CARMIL2: variants seen among roughly 807,000 people sequenced by gnomAD.
The protein encoded by CARMIL2 is capping protein, Arp2/3 and myosin-I linker protein 2.
CARMIL2 carries 96 observed loss-of-function variants against 173.3 expected under a neutral mutation model. The observed-to-expected ratio is 0.55, with a 90% CI of 0.47 to 0.66. The LOEUF (loss-of-function observed/expected upper bound fraction) is 0.66. CARMIL2 is among the 30% of genes least tolerant of loss of function. CARMIL2 has a pLI of 0.00. For missense variants in CARMIL2, 1,771 were observed against 1,906.7 expected, an observed-to-expected ratio of 0.93 and a Z score of 1.33; for synonymous variants, 830 against 817.1, an observed-to-expected ratio of 1.02 and a Z score of -0.27.
rs375376933 is a variant in CARMIL2 at position 67,648,787 on chromosome 16, T to G, written c.1509+33T>G. 1.3e-6 allele frequency: 2 copies of G among 1,580,784 alleles called. No individual in the cohort carries two copies. The highest frequency in any genetic ancestry group is 1.7e-6 in the Non-Finnish European group (2 of 1,163,946). ...CCGGCCCCCAGAAGAGACCACACATTGGGAGAGGCGCTGGGAGGCGGAAGG... is the reference window on the plus strand; with the variant it reads ...CCGGCCCCCAGAAGAGACCACACATGGGGAGAGGCGCTGGGAGGCGGAAGG... On this transcript the variant is annotated intron_variant, in intron 16 of 37. Coordinates refer to ENST00000334583, the MANE Select transcript of CARMIL2 (RefSeq NM_001013838.3). This position sits in a 1 kb window ranked among gnomAD's most constrained non-coding sequence, Gnocchi z 6.1.
rs979715618 is a variant in CARMIL2, at chr16:67,653,097, C to T, written c.2963C>T (p.Ala988Val). The T allele has an allele frequency of 5.9e-6, 7 of 1,184,464 alleles. No homozygotes were observed. The Admixed American group carries it at 1.5e-4, about 25-fold the overall frequency. 73.4% of individuals were successfully genotyped at this position (1,184,464 alleles called of 1,614,324 possible). A position where few individuals can be genotyped will look rare whatever the true frequency, so the allele number is the denominator to read the frequency against. The change falls in exon 29 of 38, where the codon GCG (alanine) becomes GTG (valine). Residue 988 changes from alanine (A) to valine (V), a missense_variant. Physicochemically the swap from Ala to Val is moderately conservative, Grantham distance 64. Coordinates refer to ENST00000334583, the MANE Select transcript of CARMIL2 (RefSeq NM_001013838.3). This position sits in a 1 kb window ranked among gnomAD's most constrained non-coding sequence, Gnocchi z 7.4. ...EDAEPQAGPSARGSPSPAAPG... is the reference protein window; with the variant it reads ...EDAEPQAGPSVRGSPSPAAPG... The stretch of plus-strand genomic sequence containing the variant: ...GCAGAGCCGCAGGCGGGGCCGTCCG[C>T]GCGCGGCTCTCCGAGCCCTGCCGCC...
rs1482507831 is a variant in CARMIL2 at position 67,654,502 on chromosome 16, C to T, written c.3392C>T (p.Thr1131Ile). ...GCAGCTCCCCGAACCCGAAAAACTA[C>T]ATTTGGCGACCTACTGCGGCCGCCA... The part of the protein sequence containing the change: ...PGAAPRTRKT[T>I]FGDLLRPPTR... Residue 1131 changes from threonine (T) to isoleucine (I), a missense_variant, in exon 31 of 38, where the codon ACA becomes ATA. Thr to Ile is a moderately conservative substitution (Grantham distance 89). This residue lies in a region of CARMIL2 where 817 missense variants were observed against 903.5 expected (regional missense o/e 0.90). Coordinates refer to ENST00000334583, the MANE Select transcript of CARMIL2 (RefSeq NM_001013838.3). The T allele has an allele frequency of 6.2e-7, 1 of 1,612,640 alleles. No individual in the cohort carries two copies. The highest frequency in any genetic ancestry group is 1.7e-5 in the Admixed American group (1 of 59,920).
At position 67,654,912 on chromosome 16, in the gene CARMIL2, G is replaced by A. The variant is rs781132473; in HGVS notation, c.3705+12G>A. 1.2e-6 allele frequency: 2 copies of A among 1,613,134 alleles called. No homozygotes were observed. Among genetic ancestry groups the A allele is most frequent in the East Asian group, 2.2e-5 (1 of 44,884 alleles). Reference sequence around the variant, plus strand: ...GCAAGAGGAAGCAAGTGAGTTGAGGGGACCTGAGCATGAAGTGAGAGGGCA... The same window carrying A: ...GCAAGAGGAAGCAAGTGAGTTGAGGAGACCTGAGCATGAAGTGAGAGGGCA... On this transcript the variant is annotated intron_variant, in intron 32 of 37. Coordinates refer to ENST00000334583, the MANE Select transcript of CARMIL2 (RefSeq NM_001013838.3).
At chr16:67,647,074 G>A in intron 8 of CARMIL2, 42 bp from the exon 9 acceptor site, 1 of 1,610,350 alleles carries the variant, frequency 6.2e-7, no homozygotes, top group Admixed American at 1.7e-5. Flanking sequence ...GGACCTGGCT[G>A]GAGGGCCCTG....
rs781538330 is a variant in CARMIL2 at position 67,649,361 on chromosome 16, C to T, written c.1746+50C>T. 6.2e-7 allele frequency: 1 copy of T among 1,608,992 alleles called. No homozygotes were observed. The highest frequency in any genetic ancestry group is 8.5e-7 in the Non-Finnish European group (1 of 1,178,860). On this transcript the variant is annotated intron_variant, in intron 19 of 37. Transcript: ENST00000334583. This position sits in a 1 kb window ranked among gnomAD's most constrained non-coding sequence, Gnocchi z 6.7. Reference sequence around the variant, plus strand: ...CCTCGGGCAATTAGACCACTTTGGTCCTCCTTTCTCTTGTTCCCTCAGACC... The same window carrying T: ...CCTCGGGCAATTAGACCACTTTGGTTCTCCTTTCTCTTGTTCCCTCAGACC...
Position 67,652,733 on chromosome 16 carries a change from G to T in CARMIL2, c.2884+195G>T, listed in dbSNP as rs554255433. ...GGTCAGCCCGGGGCGGGACCTGGGCGGATCTGGGACAGGACACCGGCTCAG... is the reference window on the plus strand; with the variant it reads ...GGTCAGCCCGGGGCGGGACCTGGGCTGATCTGGGACAGGACACCGGCTCAG... On this transcript the variant is annotated intron_variant, in intron 28 of 37. Transcript: ENST00000334583. This position sits in a 1 kb window ranked among gnomAD's most constrained non-coding sequence, Gnocchi z 4.7. Among the ~76,000 whole-genome samples the T allele has an allele frequency of 1.3e-4, 20 of 152,250 alleles. No individual in the cohort carries two copies. Among genetic ancestry groups the T allele is most frequent in the African/African-American group, 4.8e-4 (20 of 41,572 alleles).
chr16:67,651,279 C>T lies in CARMIL2; in HGVS notation c.2277C>T (p.Ala759=), dbSNP rs371306942. 64 of 1,613,458 alleles carry T rather than the reference C, an allele frequency of 4.0e-5. No homozygotes were observed. Among genetic ancestry groups the T allele is most frequent in the Admixed American group, 3.0e-4 (18 of 60,000 alleles). The change falls in exon 23 of 38, where the codon GCC becomes GCT. Residue 759 remains alanine (A), a synonymous_variant. Transcript: ENST00000334583. This position sits in a 1 kb window ranked among gnomAD's most constrained non-coding sequence, Gnocchi z 4.2. The part of the protein sequence containing the change: ...GPQGEAAVRQ[A]EDAIQNANFS... ...AGGGTGAAGCCGCTGTGCGCCAGGC[C>T]GAGGATGCCATCCAAAATGCCAACT...
At chr16:67,656,330 T>C (rs777285750) in intron 34 of CARMIL2, 31 bp downstream of exon 34, 7 of 1,613,356 alleles carry the variant, frequency 4.3e-6, no homozygotes, top group Non-Finnish European at 5.9e-6. Context: ...GTGTTGGTAG[T>C]GGGAGCAGGG....
rs368345242 is a variant in CARMIL2 at position 67,649,327 on chromosome 16, C to A, written c.1746+16C>A. The A allele has an allele frequency of 9.6e-5, 154 of 1,610,894 alleles. 1 individual carries two copies. Among genetic ancestry groups the A allele is most frequent in the Admixed American group, 7.7e-4 (46 of 60,010 alleles). ...CGACGATTGTGTGAGTTCACGGGAC[C>A]TTGCAGGGCCTCGGGCAATTAGACC... On this transcript the variant is annotated intron_variant, in intron 19 of 37. Coordinates refer to ENST00000334583, the MANE Select transcript of CARMIL2 (RefSeq NM_001013838.3). The surrounding 1 kb of genome is among the most constrained non-coding windows in gnomAD (Gnocchi z 6.7).
chr16:67,646,076 C>T lies in CARMIL2; in HGVS notation c.245C>T (p.Pro82Leu), dbSNP rs780732431. Residue 82 changes from proline to leucine, a missense_variant, in exon 4 of 38, where the codon CCT becomes CTT. Pro to Leu is a moderately conservative substitution (Grantham distance 98, BLOSUM62 -3). Coordinates refer to ENST00000334583, the MANE Select transcript of CARMIL2 (RefSeq NM_001013838.3). This position sits in a 1 kb window ranked among gnomAD's most constrained non-coding sequence, Gnocchi z 4.6. ...VQAMALQETP[P>L]QVTFELESLR... Reference sequence around the variant, plus strand: ...GCCATGGCGCTGCAGGAGACACCCCCTCAGGTGAGACACCTAGTACCCTAC... The same window carrying T: ...GCCATGGCGCTGCAGGAGACACCCCTTCAGGTGAGACACCTAGTACCCTAC... 1 of 1,613,778 alleles carries T rather than the reference C, an allele frequency of 6.2e-7. No individual in the cohort carries two copies.
chr16:67,657,038 G>A lies in CARMIL2; in HGVS notation c.4117+157G>A, dbSNP rs998228919. The A allele has an allele frequency of 1.3e-6, 1 of 765,124 alleles. No individual in the cohort carries two copies. The highest frequency in any genetic ancestry group is 2.1e-6 in the Non-Finnish European group (1 of 472,650). The allele number at this position is 765,124 out of a possible 1,614,324, so 47.4% of individuals were successfully genotyped here. A position where few individuals can be genotyped will look rare whatever the true frequency, so the allele number is the denominator to read the frequency against. ...GAAGACCAGGTGCAAGGGTTTGACAGCAAGCCCTTCCAACTAGCACTGGCT... is the reference window on the plus strand; with the variant it reads ...GAAGACCAGGTGCAAGGGTTTGACAACAAGCCCTTCCAACTAGCACTGGCT... On this transcript the variant is annotated intron_variant, in intron 36 of 37. Coordinates refer to ENST00000334583, the MANE Select transcript of CARMIL2 (RefSeq NM_001013838.3). This position sits in a 1 kb window ranked among gnomAD's most constrained non-coding sequence, Gnocchi z 4.5.
At chr16:67,645,393 T>C in intron 1 of CARMIL2, 107 bp downstream of exon 1, 1 of 1,399,152 alleles carries the variant, frequency 7.1e-7, no homozygotes, top group Non-Finnish European at 9.9e-7. Context: ...TCCTCCCTGC[T>C]CCCCAGGAGG....
rs1712327828 is a variant in CARMIL2 at position 67,646,963 on chromosome 16, C to T, written c.601C>T (p.Leu201Phe). Residue 201 changes from leucine to phenylalanine, a missense_variant, in exon 8 of 38, where the codon CTC becomes TTC. Physicochemically the swap from Leu to Phe is conservative, Grantham distance 22. Around this residue, in one of 3 missense-constraint regions of CARMIL2, gnomAD observed 944 missense variants for 975.6 expected, o/e 0.97. Coordinates refer to ENST00000334583, the MANE Select transcript of CARMIL2 (RefSeq NM_001013838.3). This position sits in a 1 kb window ranked among gnomAD's most constrained non-coding sequence, Gnocchi z 4.6. ...RHFSLGDFSH[L>F]GSRDLALSVA... ...TTTCAGCCTGGGAGACTTCAGCCAC[C>T]TCGGCAGTCGGTGTGTGGCCTGCCA... 1.2e-6 allele frequency: 2 copies of T among 1,613,384 alleles called. No homozygotes were observed. Among genetic ancestry groups the T allele is most frequent in the Non-Finnish European group, 1.7e-6 (2 of 1,179,778 alleles).
chr16:67,654,322 G>C lies in CARMIL2; in HGVS notation c.3222-10G>C. 1 of 1,588,046 alleles carries C rather than the reference G, an allele frequency of 6.3e-7. No individual in the cohort carries two copies. Among genetic ancestry groups the C allele is most frequent in the Non-Finnish European group, 8.6e-7 (1 of 1,167,346 alleles). On this transcript the variant is annotated splice_polypyrimidine_tract_variant and intron_variant, in intron 30 of 37. Coordinates refer to ENST00000334583, the MANE Select transcript of CARMIL2 (RefSeq NM_001013838.3). ...TGGGCTTTCTCGCTCACTGCTGGGT[G>C]TCCCCACAGCTGGGCCCCCGAGGAG... is the stretch of plus-strand genomic sequence containing the variant.
In CARMIL2 at chr16:67,649,359, G is replaced by T; in HGVS notation, c.1746+48G>T. 1 of 1,609,464 alleles carries T rather than the reference G, an allele frequency of 6.2e-7. No individual in the cohort carries two copies. ...GGCCTCGGGCAATTAGACCACTTTG[G>T]TCCTCCTTTCTCTTGTTCCCTCAGA... is the stretch of plus-strand genomic sequence containing the variant. On this transcript the variant is annotated intron_variant, in intron 19 of 37. Coordinates refer to ENST00000334583, the MANE Select transcript of CARMIL2 (RefSeq NM_001013838.3). This position sits in a 1 kb window ranked among gnomAD's most constrained non-coding sequence, Gnocchi z 6.7.
Position 67,657,477 on chromosome 16 carries a change from T to A in CARMIL2, c.4267T>A (p.Ser1423Thr). Residue 1423 changes from serine to threonine, a missense_variant, in exon 38 of 38, where the codon TCC (serine) becomes ACC (threonine). Physicochemically the swap from Ser to Thr is moderately conservative, Grantham distance 58 (BLOSUM62 1). This residue lies in a region of CARMIL2 where 817 missense variants were observed against 903.5 expected (regional missense o/e 0.90). Transcript: ENST00000334583. The surrounding 1 kb of genome is among the most constrained non-coding windows in gnomAD (Gnocchi z 4.5). ...EPSSPERSPP[S>T]PATDQRGGGP... ...CTCCAGCCCTGAGCGGAGCCCACCC[T>A]CCCCAGCCACAGACCAAAGAGGCGG... is the stretch of plus-strand genomic sequence containing the variant. The A allele has an allele frequency of 6.2e-7, 1 of 1,610,372 alleles. No individual in the cohort carries two copies. The highest frequency in any genetic ancestry group is 8.5e-7 in the Non-Finnish European group (1 of 1,178,780).
At position 67,653,315 on chromosome 16, in the gene CARMIL2, C is replaced by T. The variant is rs867529116; in HGVS notation, c.3120+61C>T. 6.9e-6 allele frequency: 6 copies of T among 872,132 alleles called. No homozygotes were observed. The Middle Eastern group carries it at 9.5e-4, about 138-fold the overall frequency. 54.0% of individuals were successfully genotyped at this position (872,132 alleles called of 1,614,324 possible). A position where few individuals can be genotyped will look rare whatever the true frequency, so the allele number is the denominator to read the frequency against. On this transcript the variant is annotated intron_variant, in intron 29 of 37. Transcript: ENST00000334583. This position sits in a 1 kb window ranked among gnomAD's most constrained non-coding sequence, Gnocchi z 7.4. ...TTGGGGATCACGGGTGGCCCGGCCG[C>T]TCCTCATGGGTGGTAGCGGTCAAGG... is the stretch of plus-strand genomic sequence containing the variant.
rs201240421 is a variant in CARMIL2 at position 67,654,441 on chromosome 16, C to A, written c.3331C>A (p.Arg1111=). Residue 1111 remains arginine (R), a synonymous_variant, in exon 31 of 38, where the codon CGG becomes AGG. Transcript: ENST00000334583. ...LFAFKKPRST[R]GPRTDLETSP... Reference sequence around the variant, plus strand: ...TGCCTTCAAGAAGCCTCGTTCAACGCGGGGTCCACGGACTGATCTAGAGAC... The same window carrying A: ...TGCCTTCAAGAAGCCTCGTTCAACGAGGGGTCCACGGACTGATCTAGAGAC... 3,083 of 1,612,788 alleles carry A rather than the reference C, an allele frequency of 1.9e-3. 8 individuals carry two copies. Among genetic ancestry groups the A allele is most frequent in the Middle Eastern group, 3.5e-3 (21 of 6,058 alleles).
At position 67,650,035 on chromosome 16, in the gene CARMIL2, C is replaced by A; in HGVS notation, c.2083-14C>A. 6.2e-7 allele frequency: 1 copy of A among 1,613,656 alleles called. No individual in the cohort carries two copies. The highest frequency in any genetic ancestry group is 1.3e-5 in the African/African-American group (1 of 75,038). On this transcript the variant is annotated splice_polypyrimidine_tract_variant and intron_variant, in intron 21 of 37. Coordinates refer to ENST00000334583, the MANE Select transcript of CARMIL2 (RefSeq NM_001013838.3). ...CTCCGTCCCTCGGCATTTCTCAATA[C>A]CCCTTGCCCCTAGATCCAAGCCTGT... is the stretch of plus-strand genomic sequence containing the variant.
Sources: allele counts gnomAD v4.1 joint callset (sites outside exome capture counted in the v4.1 genomes callset), GRCh38; gene constraint gnomAD v4.1.1; regional missense constraint gnomAD v4.1.1; non-coding constraint Gnocchi (gnomAD v3.1); transcripts MANE v1.5; gene names NCBI Gene and HGNC (gene_info 2026-07-23, HGNC 2026-07-21).